The following SEMA3D variants were observed in gnomAD, a reference collection of about 807,000 sequenced individuals.
SEMA3D encodes the protein semaphorin-3D.
SEMA3D carries 84 observed loss-of-function variants against 100.1 expected under a neutral mutation model. The observed-to-expected ratio is 0.84, with a 90% CI of 0.70 to 1.01. SEMA3D has a LOEUF of 1.01. SEMA3D is among the 50% of genes least tolerant of loss of function. SEMA3D has a pLI of 0.00. For missense variants in SEMA3D, 875 were observed against 934.1 expected (o/e 0.94, Z 0.82); for synonymous variants, 312 against 320.7 (o/e 0.97, Z 0.29).
intron 18 of SEMA3D, among the ~76,000 whole-genome samples, chr7:85,001,849 G>A (rs1789663636): frequency 6.6e-6 from 1 of 152,128 alleles, no homozygotes; most frequent in African/African-American, 2.4e-5. Flanking sequence ...AAAATGGCCT[G>A]AGGTTATTAG....
chr7:85,181,347 C>CACACACACACACACAA (rs1554352319), intron 1 of SEMA3D, among the ~76,000 whole-genome samples: 23 of 146,240 alleles, frequency 1.6e-4, no homozygotes, highest in African/African-American at 5.6e-4. Context: ...CACACACACA[C>CACACACACACACACAA]ACACACACAC....
At chr7:85,080,932 T>C (rs1788040104) in intron 5 of SEMA3D, among the ~76,000 whole-genome samples, 1 of 152,362 alleles carries the variant, frequency 6.6e-6, no homozygotes, top group Admixed American at 6.5e-5. Flanking sequence ...TTGTCTTTTA[T>C]GAGTTATTTT....
At chr7:85,005,406 G>GACTT (rs1346858698) in intron 18 of SEMA3D, among the ~76,000 whole-genome samples, 1 of 151,838 alleles carries the variant, frequency 6.6e-6, no homozygotes, top group East Asian at 1.9e-4. Context: ...ATAATCTTAG[G>GACTT]ACTTATAGAA....
chr7:85,061,083 TAAATC>T (rs1791465265), intron 8 of SEMA3D, among the ~76,000 whole-genome samples: 2 of 152,092 alleles, frequency 1.3e-5, no homozygotes, highest in Non-Finnish European at 1.5e-5. Flanking sequence ...ATTAAGTTGA[TAAATC>T]AAAGTGTGGA....
At chr7:85,104,432 A>G (rs1385421665) in intron 3 of SEMA3D, among the ~76,000 whole-genome samples, 1 of 152,068 alleles carries the variant, frequency 6.6e-6, no homozygotes. Context: ...ATGCTCTGCT[A>G]TTTAAGGGGA....
At chr7:85,225,367 C>G in the SEMA3D span, among the ~76,000 whole-genome samples, 2 of 150,692 alleles carry the variant, frequency 1.3e-5, no homozygotes, top group South Asian at 4.2e-4. Context: ...GATCTCCAGC[C>G]TTTAGGTGAT....
In SEMA3D at chr7:85,037,312, G is replaced by T. The variant is rs368286653; in HGVS notation, c.1047-279C>A. Among the ~76,000 whole-genome samples, 5 of 152,230 alleles carry T rather than the reference G, an allele frequency of 3.3e-5. No homozygotes were observed. The East Asian group carries it at 5.8e-4, about 18-fold the overall frequency. On this transcript the variant is annotated intron_variant, in intron 11 of 18. Transcript: ENST00000284136. ...TGCCAGGTAAGTTTTCAGGGAGGAGGTGTCATCTAAATTGGCACCTGATAG... is the reference window on the plus strand; with the variant it reads ...TGCCAGGTAAGTTTTCAGGGAGGAGTTGTCATCTAAATTGGCACCTGATAG...
chr7:85,060,254 T>A (rs1791435449), intron 8 of SEMA3D, among the ~76,000 whole-genome samples: 1 of 152,210 alleles, frequency 6.6e-6, no homozygotes, highest in African/African-American at 2.4e-5. Flanking sequence ...TAGTGTCAAG[T>A]AGTGCTTTAT....
chr7:85,140,652 C>A (rs530508681), intron 2 of SEMA3D: 32 of 973,906 alleles, frequency 3.3e-5, no homozygotes, highest in Non-Finnish European at 3.9e-5. Context: ...CTACAACCTG[C>A]AAGACACGAA....
the SEMA3D span, among the ~76,000 whole-genome samples, chr7:85,243,170 C>T: frequency 6.6e-6 from 1 of 152,070 alleles, no homozygotes; most frequent in Admixed American, 6.6e-5. Flanking sequence ...AGGTTAAGTT[C>T]TAGTAAAATA....
At chr7:85,138,433 T>C (rs1789926258) in intron 2 of SEMA3D, among the ~76,000 whole-genome samples, 1 of 151,788 alleles carries the variant, frequency 6.6e-6, no homozygotes, top group African/African-American at 2.4e-5. Flanking sequence ...GGATTACAGG[T>C]GTGCACCACC....
chr7:85,168,324 C>A (rs1336965554), intron 1 of SEMA3D, among the ~76,000 whole-genome samples: 1 of 151,860 alleles, frequency 6.6e-6, no homozygotes, highest in Non-Finnish European at 1.5e-5. Flanking sequence ...CAATATCTAA[C>A]AGCAAATACT....
intron 8 of SEMA3D, among the ~76,000 whole-genome samples, chr7:85,061,904 C>CCTAGGTT (rs1791488608): frequency 6.6e-6 from 1 of 152,122 alleles, no homozygotes; most frequent in Admixed American, 6.6e-5. Flanking sequence ...GCCTAGGTCT[C>CCTAGGTT]CCTCATTGCT....
intron 8 of SEMA3D, among the ~76,000 whole-genome samples, chr7:85,057,927 T>G (rs1452133081): frequency 6.6e-6 from 1 of 152,104 alleles, no homozygotes; most frequent in Non-Finnish European, 1.5e-5. Flanking sequence ...ACAGACTCCG[T>G]CTCAAAAAGA....
intron 2 of SEMA3D, among the ~76,000 whole-genome samples, chr7:85,138,362 C>A (rs1292337838): frequency 6.6e-6 from 1 of 151,864 alleles, no homozygotes; most frequent in Non-Finnish European, 1.5e-5. Context: ...GATCTCTGCT[C>A]ACTGCAACCT....
intron 4 of SEMA3D, among the ~76,000 whole-genome samples, 191 bp downstream of exon 4, chr7:85,097,614 G>T (rs1468870246): frequency 6.6e-6 from 1 of 151,596 alleles, no homozygotes; most frequent in Non-Finnish European, 1.5e-5. Flanking sequence ...TAAAGAACAT[G>T]CATATGTACT....
intron 6 of SEMA3D, among the ~76,000 whole-genome samples, chr7:85,071,972 A>T (rs575897682): frequency 6.6e-6 from 1 of 152,316 alleles, no homozygotes; most frequent in South Asian, 2.1e-4. Context: ...GACTGCCTTG[A>T]TTCAATTTGT....
chr7:85,121,699 C>T, intron 3 of SEMA3D, 42 bp downstream of exon 3: 1 of 1,144,394 alleles, frequency 8.7e-7, no homozygotes, highest in Non-Finnish European at 1.2e-6. Context: ...AAAGACATTT[C>T]AAAATCTTAA....
At chr7:85,137,346 TAAG>T (rs1459079308) in intron 2 of SEMA3D, among the ~76,000 whole-genome samples, 1 of 151,962 alleles carries the variant, frequency 6.6e-6, no homozygotes, top group Non-Finnish European at 1.5e-5. Flanking sequence ...ATATGATATA[TAAG>T]ACATATATAT....
Sources: gnomAD v4.1 joint callset for allele counts (sites outside exome capture counted in the v4.1 genomes callset) on GRCh38, gnomAD v4.1.1 for gene constraint, MANE v1.5 for transcripts, NCBI Gene and HGNC (gene_info 2026-07-23, HGNC 2026-07-21) for gene names.